Variants in TRPM7 observed in about 807,000 individuals in gnomAD.
TRPM7 encodes the protein transient receptor potential cation channel subfamily M member 7.
In TRPM7, 134 loss-of-function variants were observed where a neutral mutation model predicts 229.7. That is an observed-to-expected ratio of 0.58 (90% CI 0.51 to 0.67). TRPM7 has a LOEUF of 0.67. Among genes scored for constraint, TRPM7 ranks in the 30% least tolerant of loss-of-function variants. The probability of loss-of-function intolerance (pLI) is 0.00; values close to 1 mark genes in which losing one functional copy is unlikely to be tolerated. For synonymous variants in TRPM7, 699 were observed against 715.2 expected, an observed-to-expected ratio of 0.98 and a Z score of 0.36; for missense variants, 1,901 against 2,210.0, an observed-to-expected ratio of 0.86 and a Z score of 2.80.
chr15:50,631,431 G>A lies in TRPM7; in HGVS notation c.1190C>T (p.Thr397Ile), dbSNP rs1350620669. 1.1e-5 allele frequency: 17 copies of A among 1,608,406 alleles called. No homozygotes were observed. The highest frequency in any genetic ancestry group is 1.6e-4 in the Middle Eastern group (1 of 6,064). Residue 397 changes from threonine (T) to isoleucine (I), a missense_variant, in exon 10 of 39, where the codon ACT becomes ATT. Thr to Ile is a moderately conservative substitution (Grantham distance 89). This residue lies in a region of TRPM7 where 794 missense variants were observed against 881.9 expected (regional missense o/e 0.90). Coordinates refer to ENST00000646667, the MANE Select transcript of TRPM7 (RefSeq NM_017672.6). ...EHQDIDVAIL[T>I]ALLKGTNASA... ...TAGAGGCTTACCTTTTAGCAGTGCA[G>A]TAAGTATTGCTACATCTATATCTTG...
intron 38 of TRPM7, among the ~76,000 whole-genome samples, chr15:50,563,500 A>C (rs572851463): frequency 2.0e-5 from 3 of 152,316 alleles, no homozygotes; most frequent in Non-Finnish European, 4.4e-5. Context: ...AAGACAGAGA[A>C]GAGCAGATGA....
intron 38 of TRPM7, among the ~76,000 whole-genome samples, chr15:50,565,822 C>CT (rs780775871): frequency 3.1e-5 from 4 of 129,842 alleles, no homozygotes; most frequent in Admixed American, 1.8e-4. Flanking sequence ...ACCATAAACT[C>CT]TTTTTGTTTT....
chr15:50,656,110 G>A (rs2061562018), intron 3 of TRPM7, among the ~76,000 whole-genome samples: 1 of 151,924 alleles, frequency 6.6e-6, no homozygotes. Context: ...TATATTTTCA[G>A]ATAGACCAAA....
chr15:50,605,989 T>A (rs538379988), intron 20 of TRPM7, among the ~76,000 whole-genome samples: 1 of 152,124 alleles, frequency 6.6e-6, no homozygotes, highest in African/African-American at 2.4e-5. Context: ...GAGAGAGAAG[T>A]ACAACACCTT....
rs1378504894 is a variant in TRPM7, at chr15:50,558,209, A to G, written c.*3469T>C. 1 of 152,196 alleles carries G rather than the reference A, an allele frequency of 6.6e-6. No individual in the cohort carries two copies. The highest frequency in any genetic ancestry group is 1.9e-4 in the East Asian group (1 of 5,188). 9.4% of individuals were successfully genotyped at this position (152,196 alleles called of 1,614,324 possible). On this transcript the variant is annotated 3_prime_UTR_variant, in exon 39 of 39. Transcript: ENST00000646667. ...AACAGGAAATGGTACAGAAACCACCAATGGTCATCATGCTTGAGAGTCAAT... is the reference window on the plus strand; with the variant it reads ...AACAGGAAATGGTACAGAAACCACCGATGGTCATCATGCTTGAGAGTCAAT...
chr15:50,593,896 T>C (rs2059568180), intron 24 of TRPM7, 147 bp from the exon 25 acceptor site: 1 of 745,072 alleles, frequency 1.3e-6, no homozygotes, highest in African/African-American at 1.8e-5. Context: ...TCTAAAGCAC[T>C]AGACAATTAT....
Position 50,624,282 on chromosome 15 carries a change from C to G in TRPM7, c.1324G>C (p.Ala442Pro). The G allele has an allele frequency of 6.2e-7, 1 of 1,606,306 alleles. No homozygotes were observed. The highest frequency in any genetic ancestry group is 8.5e-7 in the Non-Finnish European group (1 of 1,177,424). Residue 442 changes from alanine to proline, a missense_variant, in exon 12 of 39, where the codon GCT becomes CCT. This residue lies in a region of TRPM7 where 794 missense variants were observed against 881.9 expected (regional missense o/e 0.90). Transcript: ENST00000646667. ...TCCATTACAAGAGCATCAAGCATAG[C>G]TTGTTCCAAGGATCCAACCTAGGAG... ...QQWLVGSLEQ[A>P]MLDALVMDRV...
In TRPM7 at chr15:50,657,928, A is replaced by G; in HGVS notation, c.84-109T>C. On this transcript the variant is annotated intron_variant, in intron 2 of 38. Transcript: ENST00000646667. Reference sequence around the variant, plus strand: ...ACAAAAAAAATTATATACCTAGTTTAATTTTTCAGTAGATATTATAGTTCA... The same window carrying G: ...ACAAAAAAAATTATATACCTAGTTTGATTTTTCAGTAGATATTATAGTTCA... The G allele has an allele frequency of 2.7e-6, 2 of 739,082 alleles. 1 individual carries two copies. The highest frequency in any genetic ancestry group is 3.9e-5 in the South Asian group (2 of 51,314). 45.8% of individuals were successfully genotyped at this position (739,082 alleles called of 1,614,324 possible). A position where few individuals can be genotyped will look rare whatever the true frequency, so the allele number is the denominator to read the frequency against.
At chr15:50,664,126 C>T (rs1156439365) in intron 1 of TRPM7, among the ~76,000 whole-genome samples, 3 of 151,782 alleles carry the variant, frequency 2.0e-5, no homozygotes, top group African/African-American at 7.3e-5. Flanking sequence ...GGTAAAACCC[C>T]GTCTCTACTA....
intron 33 of TRPM7, 22 bp from the exon 34 acceptor site, chr15:50,575,157 T>G (rs759729564): frequency 6.5e-7 from 1 of 1,536,556 alleles, no homozygotes; most frequent in East Asian, 2.3e-5. Context: ...ATGGAAAAAG[T>G]TTAAGATTAA....
intron 1 of TRPM7, among the ~76,000 whole-genome samples, chr15:50,681,262 A>AATAC (rs2062234890): frequency 1.9e-5 from 1 of 53,610 alleles, no homozygotes; most frequent in African/African-American, 1.4e-4. Flanking sequence ...AAAATAAATA[A>AATAC]ATACACACAC....
At position 50,570,541 on chromosome 15, in the gene TRPM7, C is replaced by CT. The variant is rs2053826828; in HGVS notation, c.5309-387dup. On this transcript the variant is annotated intron_variant, in intron 36 of 38. Coordinates refer to ENST00000646667, the MANE Select transcript of TRPM7 (RefSeq NM_017672.6). ...GTACATGAAGGAATAATCCATAGGA[C>CT]TTTAAAAGTGTTTGGGATTGGCCAG... Among the ~76,000 whole-genome samples the CT allele has an allele frequency of 2.6e-5, 4 of 152,134 alleles. No homozygotes were observed. In the South Asian group the frequency reaches 8.3e-4, roughly 32 times the overall value.
intron 10 of TRPM7, among the ~76,000 whole-genome samples, chr15:50,630,059 G>A (rs947294347): frequency 1.3e-5 from 2 of 151,670 alleles, no homozygotes; most frequent in Non-Finnish European, 2.9e-5. Flanking sequence ...ACGAGGTTTC[G>A]CCATGTTGGC....
intron 1 of TRPM7, among the ~76,000 whole-genome samples, chr15:50,666,071 G>C (rs1187899442): frequency 6.6e-6 from 1 of 151,868 alleles, no homozygotes; most frequent in Non-Finnish European, 1.5e-5. Flanking sequence ...AAAGAATAAA[G>C]TCAAAGGAAA....
intron 31 of TRPM7, 90 bp from the exon 32 acceptor site, chr15:50,576,009 A>T: frequency 7.5e-7 from 1 of 1,335,970 alleles, no homozygotes; most frequent in Non-Finnish European, 1.0e-6. Flanking sequence ...ATCATTTTGA[A>T]TTTCCATAGT....
chr15:50,635,727 T>C (rs1241881526), intron 7 of TRPM7, among the ~76,000 whole-genome samples: 2 of 145,576 alleles, frequency 1.4e-5, no homozygotes, highest in African/African-American at 2.6e-5. Context: ...TGCCTGTAAT[T>C]GCAGTACTTC....
intron 2 of TRPM7, among the ~76,000 whole-genome samples, chr15:50,658,736 G>A (rs1289349578): frequency 3.3e-5 from 5 of 152,120 alleles, no homozygotes; most frequent in Admixed American, 3.3e-4. Flanking sequence ...AAAAGCATAG[G>A]CTAAAACACA....
rs747224804 is a variant in TRPM7 at position 50,634,498 on chromosome 15, G to A, written c.891C>T (p.Ile297=). ...CCTGAAGGTATTCAAGAACTGTGAG[G>A]ATAACATTTGGCCCACCCTCAAATA... The part of the protein sequence containing the change: ...ALIFEGGPNV[I]LTVLEYLQES... Residue 297 remains isoleucine (I), a synonymous_variant, in exon 8 of 39, where the codon ATC becomes ATT. Transcript: ENST00000646667. 2 of 1,577,654 alleles carry A rather than the reference G, an allele frequency of 1.3e-6. No individual in the cohort carries two copies. Among genetic ancestry groups the A allele is most frequent in the Non-Finnish European group, 1.7e-6 (2 of 1,165,088 alleles).
chr15:50,618,855 TG>T (rs1217828386), intron 13 of TRPM7, among the ~76,000 whole-genome samples: 2 of 152,158 alleles, frequency 1.3e-5, no homozygotes, highest in African/African-American at 4.8e-5. Flanking sequence ...AGCTCCAACT[TG>T]TAAGTGAAAA....
Sources: gnomAD v4.1 joint callset for allele counts (sites outside exome capture counted in the v4.1 genomes callset) on GRCh38, gnomAD v4.1.1 for gene constraint, gnomAD v4.1.1 regional missense constraint, MANE v1.5 for transcripts, NCBI Gene and HGNC (gene_info 2026-07-23, HGNC 2026-07-21) for gene names.